Variants in AGPS observed in about 807,000 individuals in gnomAD.
AGPS encodes the protein alkyldihydroxyacetonephosphate synthase, peroxisomal.
In AGPS, 26 loss-of-function variants were observed where a neutral mutation model predicts 90.7. That is an observed-to-expected ratio of 0.29 (90% CI 0.21 to 0.40). The LOEUF (loss-of-function observed/expected upper bound fraction) is 0.40, where lower values mean the gene tolerates loss of function less well. AGPS is among the 10% of genes least tolerant of loss of function. The pLI is 1.00. For synonymous variants in AGPS, 294 were observed against 285.3 expected, an observed-to-expected ratio of 1.03 and a Z score of -0.31; for missense variants, 540 against 816.1, an observed-to-expected ratio of 0.66 and a Z score of 4.12.
chr2:177,430,424 C>T (rs927694040), intron 2 of AGPS, among the ~76,000 whole-genome samples: 1 of 152,078 alleles, frequency 6.6e-6, no homozygotes, highest in African/African-American at 2.4e-5. Flanking sequence ...GGTTACTGTG[C>T]GAGCCTGAGT....
intron 12 of AGPS, among the ~76,000 whole-genome samples, 186 bp downstream of exon 12, chr2:177,493,385 G>A (rs1157514188): frequency 6.6e-6 from 1 of 152,194 alleles, no homozygotes; most frequent in African/African-American, 2.4e-5. Flanking sequence ...GCCTGTGAAA[G>A]AAGACTGCAC....
intron 2 of AGPS, among the ~76,000 whole-genome samples, chr2:177,430,516 C>T (rs1242770482): frequency 6.6e-6 from 1 of 152,082 alleles, no homozygotes; most frequent in Non-Finnish European, 1.5e-5. Flanking sequence ...TCCTGATCCA[C>T]AGGTTACAAA....
chr2:177,461,853 G>T, intron 8 of AGPS, 40 bp from the exon 9 acceptor site: 1 of 1,586,432 alleles, frequency 6.3e-7, no homozygotes, highest in South Asian at 1.1e-5. Flanking sequence ...TACGTAATGG[G>T]ACCATTTTCA....
At chr2:177,479,997 A>G (rs906183327) in intron 10 of AGPS, among the ~76,000 whole-genome samples, 1 of 152,152 alleles carries the variant, frequency 6.6e-6, no homozygotes, top group Non-Finnish European at 1.5e-5. Context: ...CCTGACCAAC[A>G]TGGAGAAACC....
intron 1 of AGPS, among the ~76,000 whole-genome samples, chr2:177,394,922 C>T (rs1685130406): frequency 6.6e-6 from 1 of 152,058 alleles, no homozygotes; most frequent in South Asian, 2.1e-4. Context: ...TGCTGGGATT[C>T]TGAACTAAGG....
chr2:177,467,583 A>G (rs906923468), intron 9 of AGPS, among the ~76,000 whole-genome samples: 3 of 152,084 alleles, frequency 2.0e-5, no homozygotes, highest in Non-Finnish European at 4.4e-5. Flanking sequence ...AATTTACTGG[A>G]CGTCTTATTT....
chr2:177,472,084 GT>G (rs142979196), intron 10 of AGPS, among the ~76,000 whole-genome samples: 2 of 149,320 alleles, frequency 1.3e-5, no homozygotes, highest in South Asian at 2.1e-4. Flanking sequence ...TTTCTGTGAA[GT>G]TTTTTTTTGG....
intron 19 of AGPS, among the ~76,000 whole-genome samples, chr2:177,530,578 C>T (rs1014041705): frequency 1.3e-5 from 2 of 152,162 alleles, no homozygotes; most frequent in African/African-American, 4.8e-5. Context: ...CTCAGTACCA[C>T]TTTTGAGTTC....
intron 2 of AGPS, 58 bp from the exon 3 acceptor site, chr2:177,434,269 G>T: frequency 7.9e-7 from 1 of 1,271,010 alleles, no homozygotes; most frequent in Non-Finnish European, 1.1e-6. Flanking sequence ...CAGAATTTAA[G>T]CTTTAAATTT....
chr2:177,469,900 T>C (rs1164196313), intron 10 of AGPS, among the ~76,000 whole-genome samples: 1 of 152,196 alleles, frequency 6.6e-6, no homozygotes, highest in Non-Finnish European at 1.5e-5. Flanking sequence ...TGCTGGGACA[T>C]TTGAGACAGA....
chr2:177,444,420 C>CAAA (rs10618529), intron 7 of AGPS, among the ~76,000 whole-genome samples: 7 of 90,950 alleles, frequency 7.7e-5, no homozygotes, highest in East Asian at 3.1e-4. Flanking sequence ...GACTCTGTCT[C>CAAA]AAAAAAAAAA....
chr2:177,424,364 G>A (rs1402620898), intron 2 of AGPS, among the ~76,000 whole-genome samples: 1 of 152,032 alleles, frequency 6.6e-6, no homozygotes, highest in Non-Finnish European at 1.5e-5. Flanking sequence ...GTCAATCATT[G>A]ATGGACATTT....
chr2:177,501,283 C>T (rs1459597349), intron 14 of AGPS, among the ~76,000 whole-genome samples: 1 of 152,128 alleles, frequency 6.6e-6, no homozygotes, highest in African/African-American at 2.4e-5. Context: ...TACACACACC[C>T]ACACACAGAG....
At chr2:177,481,982 A>G (rs1559066302) in intron 10 of AGPS, 77 bp from the exon 11 acceptor site, 16 of 1,335,608 alleles carry the variant, frequency 1.2e-5, no homozygotes, top group Non-Finnish European at 1.6e-5. Context: ...AATTGAATTA[A>G]TAGATTAAAT....
intron 19 of AGPS, among the ~76,000 whole-genome samples, chr2:177,537,057 C>T (rs966981316): frequency 2.6e-5 from 4 of 151,998 alleles, no homozygotes; most frequent in Admixed American, 6.6e-5. Context: ...AGAAAATGAC[C>T]GTTTGAATTC....
intron 1 of AGPS, among the ~76,000 whole-genome samples, chr2:177,399,014 C>T (rs1685260032): frequency 6.6e-6 from 1 of 152,178 alleles, no homozygotes; most frequent in African/African-American, 2.4e-5. Flanking sequence ...ATATGCTTCT[C>T]TAGATTGCAT....
intron 1 of AGPS, among the ~76,000 whole-genome samples, chr2:177,397,013 A>G (rs952977529): frequency 1.2e-4 from 18 of 145,898 alleles, no homozygotes; most frequent in African/African-American, 4.3e-4. Context: ...ATCTCAGCTC[A>G]CTGCAACTTC....
At chr2:177,521,029 C>T (rs1689169821) in intron 17 of AGPS, among the ~76,000 whole-genome samples, 1 of 152,214 alleles carries the variant, frequency 6.6e-6, no homozygotes, top group Non-Finnish European at 1.5e-5. Flanking sequence ...ATAATATTGA[C>T]TAATTTGGTA....
chr2:177,490,672 CTTGCCTT>C (rs962278197), intron 11 of AGPS, among the ~76,000 whole-genome samples: 2 of 151,892 alleles, frequency 1.3e-5, no homozygotes, highest in Non-Finnish European at 2.9e-5. Context: ...CAGGAGCTTT[CTTGCCTT>C]TTTTCCAGCT....
Sources: gnomAD v4.1 joint callset for allele counts (sites outside exome capture counted in the v4.1 genomes callset) on GRCh38, gnomAD v4.1.1 for gene constraint, MANE v1.5 for transcripts, NCBI Gene and HGNC (gene_info 2026-07-23, HGNC 2026-07-21) for gene names.